Variants in TMEM232 observed in about 807,000 individuals in gnomAD.
TMEM232 encodes the protein transmembrane protein 232.
In TMEM232, 80 loss-of-function variants were observed where a neutral mutation model predicts 78.8. That is an observed-to-expected ratio of 1.01 (90% CI 0.85 to 1.22). TMEM232 has a LOEUF of 1.22. Ranked by LOEUF, TMEM232 falls within the 50% of genes most tolerant of loss-of-function variation. The pLI is 0.00. For missense variants in TMEM232, 881 were observed against 742.2 expected (o/e 1.19, Z -2.17); for synonymous variants, 297 against 254.3 (o/e 1.17, Z -1.60).
chr5:110,490,455 TCC>T (rs1485264451), intron 12 of TMEM232, among the ~76,000 whole-genome samples: 12 of 152,164 alleles, frequency 7.9e-5, no homozygotes, highest in Non-Finnish European at 1.5e-4. Flanking sequence ...ATCAACCTAT[TCC>T]ACACAAACCT....
At chr5:110,615,539 G>A (rs1199579840) in intron 8 of TMEM232, among the ~76,000 whole-genome samples, 1 of 151,824 alleles carries the variant, frequency 6.6e-6, no homozygotes, top group East Asian at 1.9e-4. Flanking sequence ...CCTCAATGGT[G>A]AAAAGTTGAA....
rs1205546370 is a variant in TMEM232 at position 110,605,180 on chromosome 5, A to G, written c.1205T>C (p.Val402Ala). The change falls in exon 10 of 14, where the codon GTA (valine) becomes GCA (alanine). Residue 402 changes from valine (V) to alanine (A), a missense_variant. Coordinates refer to ENST00000455884, the MANE Select transcript of TMEM232 (RefSeq NM_001039763.4). ...QKNILYLDKS[V>A]PPELKETSIL... ...ACTTGTTTCCTTTAATTCTGGAGGT[A>G]CTGATTTGTCCAAGTATAAAATATT... 1 of 1,550,768 alleles carries G rather than the reference A, an allele frequency of 6.4e-7. No individual in the cohort carries two copies. Among genetic ancestry groups the G allele is most frequent in the Admixed American group, 2.0e-5 (1 of 50,972 alleles).
intron 7 of TMEM232, among the ~76,000 whole-genome samples, chr5:110,622,119 T>A (rs1297633906): frequency 2.0e-5 from 3 of 152,170 alleles, no homozygotes; most frequent in Non-Finnish European, 4.4e-5. Flanking sequence ...CCTGGATAAT[T>A]TGACGTGAAT....
At chr5:110,567,488 G>T (rs956884906) in intron 11 of TMEM232, among the ~76,000 whole-genome samples, 1 of 151,722 alleles carries the variant, frequency 6.6e-6, no homozygotes, top group South Asian at 2.1e-4. Context: ...TAATATGGTA[G>T]TTGTTTAATG....
chr5:110,605,255 A>G lies in TMEM232; in HGVS notation c.1130T>C (p.Leu377Ser). ...EICLYAATSD[L>S]RKTALIGFCH... ...GAAACCAATTAAAGCAGTTTTTCGC[A>G]AATCAGAAGTGGCTGCATACAAGCA... Residue 377 changes from leucine (L) to serine (S), a missense_variant, in exon 10 of 14, where the codon TTG becomes TCG. By Grantham distance (145) the Leu-to-Ser change is moderately radical. Transcript: ENST00000455884. 1 of 1,551,286 alleles carries G rather than the reference A, an allele frequency of 6.4e-7. No individual in the cohort carries two copies. The highest frequency in any genetic ancestry group is 8.7e-7 in the Non-Finnish European group (1 of 1,146,738).
intron 7 of TMEM232, 34 bp downstream of exon 7, chr5:110,625,233 C>A (rs1422139514): frequency 4.1e-6 from 6 of 1,454,316 alleles, no homozygotes; most frequent in Non-Finnish European, 5.5e-6. Flanking sequence ...ATGCATCAGG[C>A]AACAGGATAT....
chr5:110,464,689 C>A (rs1418302698), intron 12 of TMEM232, among the ~76,000 whole-genome samples: 2 of 152,278 alleles, frequency 1.3e-5, no homozygotes, highest in African/African-American at 4.8e-5. Context: ...TTCCATGTAA[C>A]AACTAAGTGG....
In TMEM232 at chr5:110,627,875, G is replaced by C; in HGVS notation, c.507C>G (p.Gly169=). ...YSVEIKLAKI[G]YLVFLRLFIF... is the part of the protein sequence containing the mutation. ...TAAAAAGTCGTAAGAAGACCAAATA[G>C]CCAATCTGTCAAAAGAGAAAAGAAA... Residue 169 remains glycine (G), a synonymous_variant, in exon 6 of 14, where the codon GGC becomes GGG. Coordinates refer to ENST00000455884, the MANE Select transcript of TMEM232 (RefSeq NM_001039763.4). The C allele has an allele frequency of 6.6e-7, 1 of 1,521,602 alleles. No homozygotes were observed. 94.3% of individuals were successfully genotyped at this position (1,521,602 alleles called of 1,614,324 possible).
intron 12 of TMEM232, among the ~76,000 whole-genome samples, chr5:110,444,513 A>AATT (rs1759433137): frequency 2.6e-5 from 4 of 152,160 alleles, no homozygotes; most frequent in African/African-American, 9.7e-5. Context: ...CAGTGACAGG[A>AATT]ATTTAAAATC....
At chr5:110,495,205 GT>G (rs1390860896) in intron 12 of TMEM232, among the ~76,000 whole-genome samples, 2 of 151,522 alleles carry the variant, frequency 1.3e-5, no homozygotes, top group African/African-American at 2.4e-5. Flanking sequence ...GAGATCTGTG[GT>G]TTAAAGTAGC....
intron 1 of TMEM232, chr5:110,725,479 TA>T (rs1254191328): frequency 6.6e-6 from 1 of 152,150 alleles, no homozygotes; most frequent in Non-Finnish European, 1.5e-5. Flanking sequence ...AAATTTATCA[TA>T]ACAATGAATG....
chr5:110,398,105 AAT>A (rs765946251), intron 2 of TMEM232, among the ~76,000 whole-genome samples: 2 of 152,124 alleles, frequency 1.3e-5, no homozygotes, highest in Non-Finnish European at 2.9e-5. Context: ...ACCTTTAGTC[AAT>A]ATCATCATCT....
chr5:110,458,542 G>C (rs894534036), intron 12 of TMEM232, among the ~76,000 whole-genome samples: 8 of 152,076 alleles, frequency 5.3e-5, no homozygotes, highest in Admixed American at 1.3e-4. Context: ...ATGGGTGCTG[G>C]CTGAAACTAC....
chr5:110,528,773 T>C lies in TMEM232; in HGVS notation c.1518A>G (p.Val506=), dbSNP rs751479656. 1.3e-6 allele frequency: 2 copies of C among 1,533,480 alleles called. No homozygotes were observed. The highest frequency in any genetic ancestry group is 8.7e-7 in the Non-Finnish European group (1 of 1,145,562). 95.0% of individuals were successfully genotyped at this position (1,533,480 alleles called of 1,614,324 possible). ...TRYSTNISSN[V]GEEVFSKYIG... ...TATATTTGGAGAAAACTTCTTCTCC[T>C]ACATTTGATGAAATATTTGTACTAT... Residue 506 remains valine, a synonymous_variant, in exon 12 of 14, where the codon GTA becomes GTG. Transcript: ENST00000455884.
chr5:110,514,149 A>G (rs1179465619), intron 12 of TMEM232, among the ~76,000 whole-genome samples: 1 of 152,164 alleles, frequency 6.6e-6, no homozygotes, highest in Admixed American at 6.5e-5. Flanking sequence ...CTGACAATCA[A>G]CATTTTCTTT....
intron 1 of TMEM232, among the ~76,000 whole-genome samples, chr5:110,673,988 A>G (rs1431071081): frequency 2.4e-5 from 2 of 83,728 alleles, no homozygotes; most frequent in Non-Finnish European, 4.7e-5. Flanking sequence ...AAGAGGTAAC[A>G]TGAAAAAAAA....
intron 12 of TMEM232, among the ~76,000 whole-genome samples, chr5:110,450,632 C>G (rs1159033711): frequency 6.6e-6 from 1 of 152,110 alleles, no homozygotes; most frequent in African/African-American, 2.4e-5. Context: ...AGGTGTCAGG[C>G]AGATTCTAAT....
chr5:110,446,807 G>A (rs1281515841), intron 12 of TMEM232, among the ~76,000 whole-genome samples: 4 of 152,034 alleles, frequency 2.6e-5, no homozygotes, highest in African/African-American at 7.2e-5. Flanking sequence ...TTTGAAATCT[G>A]CTATGTTGGG....
At chr5:110,581,230 C>T (rs1173311625) in intron 10 of TMEM232, among the ~76,000 whole-genome samples, 2 of 151,900 alleles carry the variant, frequency 1.3e-5, no homozygotes, top group East Asian at 3.9e-4. Flanking sequence ...GCAAAGAGAA[C>T]AAAGCCAGAG....
Sources: gnomAD v4.1 joint callset for allele counts (sites outside exome capture counted in the v4.1 genomes callset) on GRCh38, gnomAD v4.1.1 for gene constraint, MANE v1.5 for transcripts, NCBI Gene and HGNC (gene_info 2026-07-23, HGNC 2026-07-21) for gene names.